RAB11FIP2: variants seen among roughly 807,000 people sequenced by gnomAD.
RAB11FIP2 encodes RAB11 family interacting protein 2.
A neutral mutation model predicts 40.9 loss-of-function variants in RAB11FIP2; 16 were observed. The observed-to-expected ratio is 0.39, with a 90% CI of 0.26 to 0.59. The LOEUF is 0.59. Ranked by LOEUF, RAB11FIP2 falls within the 20% of genes least tolerant of loss-of-function variation. The pLI is 0.53. For missense variants in RAB11FIP2, 532 were observed against 606.2 expected (o/e 0.88, Z 1.28); for synonymous variants, 228 against 213.7 (o/e 1.07, Z -0.58).
rs568404479 is a variant in RAB11FIP2 at position 118,034,542 on chromosome 10, A to G, written c.1265+4430T>C. 2.0e-5 allele frequency among the ~76,000 whole-genome samples: 3 copies of G among 152,266 alleles called. No homozygotes were observed. In the East Asian group the frequency reaches 5.8e-4, roughly 29 times the overall value. ...AAAATGGTATAACAAACATTCAGGC[A>G]TATTTGTTTTTGGCAAATGATATAC... On this transcript the variant is annotated intron_variant, in intron 3 of 4. Transcript: ENST00000355624.
At chr10:118,044,723 G>T (rs1472959650) in intron 1 of RAB11FIP2, among the ~76,000 whole-genome samples, 4 of 151,852 alleles carry the variant, frequency 2.6e-5, no homozygotes, top group Non-Finnish European at 5.9e-5. Context: ...GTACAGAAAA[G>T]AACAAGAGAG....
chr10:118,016,835 G>A (rs889853480), intron 3 of RAB11FIP2, among the ~76,000 whole-genome samples: 1 of 152,110 alleles, frequency 6.6e-6, no homozygotes, highest in Non-Finnish European at 1.5e-5. Flanking sequence ...TCTGTAAAAT[G>A]GAGATGGCAA....
chr10:118,023,539 A>G (rs1270149345), intron 3 of RAB11FIP2, among the ~76,000 whole-genome samples: 3 of 152,160 alleles, frequency 2.0e-5, no homozygotes, highest in Non-Finnish European at 4.4e-5. Flanking sequence ...ATAAATGTCT[A>G]TGGGGATTAA....
At chr10:118,034,557 A>G (rs1294107348) in intron 3 of RAB11FIP2, among the ~76,000 whole-genome samples, 1 of 152,178 alleles carries the variant, frequency 6.6e-6, no homozygotes, top group Non-Finnish European at 1.5e-5. Context: ...TGTTTTTGGC[A>G]AATGATATAC....
At chr10:118,018,467 A>G (rs1846247615) in intron 3 of RAB11FIP2, among the ~76,000 whole-genome samples, 1 of 152,250 alleles carries the variant, frequency 6.6e-6, no homozygotes, top group African/African-American at 2.4e-5. Flanking sequence ...ACATTTAAAA[A>G]GGAGTCTATG....
At position 118,046,704 on chromosome 10, in the gene RAB11FIP2, T is replaced by G. The variant is rs534156577; in HGVS notation, c.-541A>C. On this transcript the variant is annotated 5_prime_UTR_variant, in exon 1 of 5. Coordinates refer to ENST00000355624, the MANE Select transcript of RAB11FIP2 (RefSeq NM_014904.3). ...TCGCTCCCTCTCGCAAACCTCTCCC[T>G]CCTCCTCCTCCCCCTCGCCTCAGCT... 3.7e-3 allele frequency: 556 copies of G among 151,748 alleles called. 8 individuals carry two copies. Among genetic ancestry groups the G allele is most frequent in the Middle Eastern group, 0.017 (5 of 292 alleles). The allele number at this position is 151,748 out of a possible 1,614,324, so 9.4% of individuals were successfully genotyped here.
intron 3 of RAB11FIP2, among the ~76,000 whole-genome samples, chr10:118,016,343 G>A (rs186113198): frequency 1.3e-5 from 2 of 152,304 alleles, no homozygotes; most frequent in African/African-American, 4.8e-5. Flanking sequence ...GGCCTGTGTG[G>A]CTGGCACATT....
intron 3 of RAB11FIP2, among the ~76,000 whole-genome samples, chr10:118,028,240 A>C (rs375907494): frequency 9.2e-5 from 14 of 151,912 alleles, no homozygotes; most frequent in African/African-American, 3.1e-4. Context: ...CTTTTATCCA[A>C]GATTTCTAAG....
chr10:118,031,271 T>A (rs766620186), intron 3 of RAB11FIP2, among the ~76,000 whole-genome samples: 1 of 152,158 alleles, frequency 6.6e-6, no homozygotes, highest in Non-Finnish European at 1.5e-5. Flanking sequence ...ATTGGGACAT[T>A]ATAAAAATGA....
At chr10:118,029,699 A>T (rs373604557) in intron 3 of RAB11FIP2, among the ~76,000 whole-genome samples, 1 of 152,158 alleles carries the variant, frequency 6.6e-6, no homozygotes, top group Non-Finnish European at 1.5e-5. Context: ...CCACTGAGAC[A>T]GCAGGTAACA....
chr10:118,014,145 A>G (rs1400901021), intron 4 of RAB11FIP2, among the ~76,000 whole-genome samples: 1 of 152,122 alleles, frequency 6.6e-6, no homozygotes, highest in Non-Finnish European at 1.5e-5. Context: ...TGCATTTAGA[A>G]TGGTTTAGAA....
At chr10:118,026,233 T>C (rs1369044135) in intron 3 of RAB11FIP2, among the ~76,000 whole-genome samples, 1 of 152,238 alleles carries the variant, frequency 6.6e-6, no homozygotes, top group Non-Finnish European at 1.5e-5. Context: ...CAAGAGATAC[T>C]ATTCCATAAA....
intron 1 of RAB11FIP2, among the ~76,000 whole-genome samples, chr10:118,044,935 G>A (rs908824156): frequency 1.3e-5 from 2 of 152,060 alleles, no homozygotes; most frequent in South Asian, 2.1e-4. Context: ...GTTTATGGAA[G>A]GGGTGAGTAT....
intron 3 of RAB11FIP2, among the ~76,000 whole-genome samples, chr10:118,024,461 C>A (rs980693559): frequency 3.8e-5 from 5 of 131,104 alleles, no homozygotes; most frequent in Non-Finnish European, 8.1e-5. Flanking sequence ...ATCCATTAGT[C>A]ATCATCATCG....
At chr10:118,023,946 C>T (rs903901217) in intron 3 of RAB11FIP2, among the ~76,000 whole-genome samples, 2 of 151,856 alleles carry the variant, frequency 1.3e-5, no homozygotes, top group Non-Finnish European at 2.9e-5. Flanking sequence ...AAAACTTAGC[C>T]GGATGTGGTG....
intron 3 of RAB11FIP2, among the ~76,000 whole-genome samples, chr10:118,019,259 A>G (rs899326341): frequency 1.3e-5 from 2 of 152,178 alleles, no homozygotes; most frequent in Non-Finnish European, 2.9e-5. Context: ...ATTACAAAGC[A>G]AAGTCCATTT....
chr10:118,025,226 T>G (rs1846329163), intron 3 of RAB11FIP2, among the ~76,000 whole-genome samples: 1 of 152,200 alleles, frequency 6.6e-6, no homozygotes. Context: ...AATACAATGA[T>G]CTTATTAGAA....
intron 3 of RAB11FIP2, among the ~76,000 whole-genome samples, chr10:118,027,544 AC>A (rs1846358714): frequency 6.6e-6 from 1 of 152,268 alleles, no homozygotes; most frequent in East Asian, 1.9e-4. Context: ...TAACTGGAAC[AC>A]CCCCATTCCC....
At chr10:118,042,855 CT>C (rs926864688) in intron 1 of RAB11FIP2, among the ~76,000 whole-genome samples, 3 of 151,930 alleles carry the variant, frequency 2.0e-5, no homozygotes, top group African/African-American at 7.3e-5. Context: ...CTGCAAAGAA[CT>C]TTTACAAATA....
Sources: allele counts gnomAD v4.1 joint callset (sites outside exome capture counted in the v4.1 genomes callset), GRCh38; gene constraint gnomAD v4.1.1; transcripts MANE v1.5; gene names NCBI Gene and HGNC (gene_info 2026-07-23, HGNC 2026-07-21).